Variants in ASTN2 observed in about 807,000 individuals in gnomAD.
ASTN2 encodes the protein astrotactin 2.
A neutral mutation model predicts 139.8 loss-of-function variants in ASTN2; 54 were observed. The ratio of observed to expected loss-of-function variants is 0.39; its 90% CI spans 0.31 to 0.48. ASTN2 has a LOEUF of 0.48. Among genes scored for constraint, ASTN2 ranks in the 20% least tolerant of loss-of-function variants. The pLI, the probability that ASTN2 is intolerant of heterozygous loss-of-function variation, is 0.95. For synonymous variants in ASTN2, 756 were observed against 719.5 expected (o/e 1.05, Z -0.81); for missense variants, 1,565 against 1,725.1 (o/e 0.91, Z 1.64).
chr9:117,042,132 T>C (rs1333999119), intron 5 of ASTN2, among the ~76,000 whole-genome samples: 2 of 152,162 alleles, frequency 1.3e-5, no homozygotes, highest in East Asian at 3.9e-4. Context: ...ACATAGATGC[T>C]GACCAACCAA....
chr9:116,603,506 C>A (rs759520494), intron 19 of ASTN2, among the ~76,000 whole-genome samples: 17 of 152,114 alleles, frequency 1.1e-4, no homozygotes, highest in Non-Finnish European at 2.4e-4. Flanking sequence ...AGAAAATCCA[C>A]AAAAACCCTG....
intron 2 of ASTN2, among the ~76,000 whole-genome samples, chr9:117,227,456 A>G (rs1302859936): frequency 6.6e-6 from 1 of 152,162 alleles, no homozygotes; most frequent in Admixed American, 6.5e-5. Flanking sequence ...GTATGAATAG[A>G]TTAATGGATG....
intron 19 of ASTN2, among the ~76,000 whole-genome samples, chr9:116,578,313 G>C (rs1853805746): frequency 1.3e-5 from 2 of 151,956 alleles, no homozygotes. Context: ...GTTAAAACTA[G>C]GACCCAAACT....
intron 19 of ASTN2, among the ~76,000 whole-genome samples, chr9:116,500,087 C>A (rs754338122): frequency 6.6e-6 from 1 of 152,114 alleles, no homozygotes; most frequent in African/African-American, 2.4e-5. Flanking sequence ...GCCTGACGAA[C>A]CCTGGAGTTT....
At chr9:117,355,046 A>T (rs1829499166) in intron 1 of ASTN2, among the ~76,000 whole-genome samples, 1 of 152,122 alleles carries the variant, frequency 6.6e-6, no homozygotes, top group African/African-American at 2.4e-5. Context: ...TACCCAGTGT[A>T]TATTTCTTTA....
intron 20 of ASTN2, among the ~76,000 whole-genome samples, chr9:116,477,457 C>G (rs556082786): frequency 6.6e-6 from 1 of 151,982 alleles, no homozygotes; most frequent in Admixed American, 6.6e-5. Context: ...CAGTCACCCC[C>G]GTCCCTACTG....
At chr9:116,807,054 C>G (rs981170227) in intron 12 of ASTN2, among the ~76,000 whole-genome samples, 1 of 152,158 alleles carries the variant, frequency 6.6e-6, no homozygotes, top group Non-Finnish European at 1.5e-5. Flanking sequence ...GGATGTTTGT[C>G]TATTTTTGTC....
chr9:117,043,613 A>G (rs1254659666), intron 5 of ASTN2, among the ~76,000 whole-genome samples: 1 of 152,208 alleles, frequency 6.6e-6, no homozygotes, highest in Non-Finnish European at 1.5e-5. Flanking sequence ...ACGGCCTTTA[A>G]GAGTCAACAT....
chr9:116,529,149 C>T (rs1324829792), intron 19 of ASTN2, among the ~76,000 whole-genome samples: 9 of 152,148 alleles, frequency 5.9e-5, no homozygotes, highest in Admixed American at 5.9e-4. Context: ...AGAAAAGCTG[C>T]AAGCACTCAA....
chr9:117,169,902 C>G (rs541925943), intron 3 of ASTN2, among the ~76,000 whole-genome samples: 1 of 152,200 alleles, frequency 6.6e-6, no homozygotes, highest in Non-Finnish European at 1.5e-5. Context: ...GCTTTGGGAA[C>G]GGCATAACAG....
intron 20 of ASTN2, among the ~76,000 whole-genome samples, chr9:116,443,159 C>G (rs888725876): frequency 5.9e-5 from 9 of 152,066 alleles, no homozygotes; most frequent in African/African-American, 2.2e-4. Context: ...GGGATGTAGC[C>G]CATGAAAGCC....
At chr9:116,871,537 C>T (rs1833166647) in intron 10 of ASTN2, among the ~76,000 whole-genome samples, 1 of 152,192 alleles carries the variant, frequency 6.6e-6, no homozygotes, top group East Asian at 1.9e-4. Context: ...TAACTCTGAA[C>T]ACTTCATGTA....
At chr9:116,597,198 A>G (rs1054247316) in intron 19 of ASTN2, among the ~76,000 whole-genome samples, 1 of 151,872 alleles carries the variant, frequency 6.6e-6, no homozygotes, top group Non-Finnish European at 1.5e-5. Flanking sequence ...ACTCAGGATC[A>G]GGGCAGTGAG....
intron 6 of ASTN2, among the ~76,000 whole-genome samples, chr9:117,027,977 T>A: frequency 6.6e-6 from 1 of 152,130 alleles, no homozygotes; most frequent in African/African-American, 2.4e-5. Context: ...TCGTCCAAGA[T>A]CCATAATTAG....
intron 5 of ASTN2, among the ~76,000 whole-genome samples, chr9:117,066,436 G>T (rs1360004252): frequency 6.8e-6 from 1 of 147,716 alleles, no homozygotes; most frequent in Admixed American, 6.7e-5. Context: ...CATTTGGGTT[G>T]GTTCCAAGTC....
intron 20 of ASTN2, among the ~76,000 whole-genome samples, chr9:116,478,513 A>C (rs770785590): frequency 6.6e-6 from 1 of 151,918 alleles, no homozygotes; most frequent in Non-Finnish European, 1.5e-5. Context: ...AGGAGCTGAA[A>C]GTCCCTTCAG....
chr9:117,046,948 C>G (rs1036382682), intron 5 of ASTN2, among the ~76,000 whole-genome samples: 3 of 152,120 alleles, frequency 2.0e-5, no homozygotes, highest in African/African-American at 7.2e-5. Context: ...CTTTTCCTGG[C>G]AAGGTTTGGT....
At chr9:116,726,014 C>T (rs1195084383) in intron 15 of ASTN2, 64 bp from the exon 16 acceptor site, 37 of 1,501,480 alleles carry the variant, frequency 2.5e-5, no homozygotes, top group Middle Eastern at 2.2e-4. Flanking sequence ...GCAAATTATA[C>T]GGTGGCAGGA....
intron 19 of ASTN2, among the ~76,000 whole-genome samples, chr9:116,557,907 C>T (rs1372385466): frequency 6.6e-6 from 1 of 152,192 alleles, no homozygotes; most frequent in Non-Finnish European, 1.5e-5. Context: ...CTTGCATTTG[C>T]TTCAAGCACT....
Sources: gnomAD v4.1 joint callset for allele counts (sites outside exome capture counted in the v4.1 genomes callset) on GRCh38, gnomAD v4.1.1 for gene constraint, MANE v1.5 for transcripts, NCBI Gene and HGNC (gene_info 2026-07-23, HGNC 2026-07-21) for gene names.